Variants in EPHA4 observed in about 807,000 individuals in gnomAD.
EPHA4 encodes EPH receptor A4.
EPHA4 carries 19 observed loss-of-function variants against 108.3 expected under a neutral mutation model. The observed-to-expected ratio is 0.18, with a 90% CI of 0.12 to 0.26. EPHA4 has a LOEUF of 0.26. Among genes scored for constraint, EPHA4 ranks in the 10% least tolerant of loss-of-function variants. The pLI, the probability that EPHA4 is intolerant of heterozygous loss-of-function variation, is 1.00. For synonymous variants in EPHA4, 449 were observed against 455.5 expected, an observed-to-expected ratio of 0.99 and a Z score of 0.18; for missense variants, 917 against 1,254.0, an observed-to-expected ratio of 0.73 and a Z score of 4.06.
chr2:221,468,823 A>G (rs542369779), intron 5 of EPHA4, among the ~76,000 whole-genome samples: 12 of 152,356 alleles, frequency 7.9e-5, no homozygotes, highest in African/African-American at 2.9e-4. Flanking sequence ...GAGGTAAGAC[A>G]TTGATCATTC....
chr2:221,439,849 A>G (rs1690361802), intron 11 of EPHA4, among the ~76,000 whole-genome samples: 1 of 152,170 alleles, frequency 6.6e-6, no homozygotes, highest in Non-Finnish European at 1.5e-5. Context: ...GGTCATGCGG[A>G]GAATTTATGG....
At position 221,535,610 on chromosome 2, in the gene EPHA4, G is replaced by A. The variant is rs1016432608; in HGVS notation, c.823+28121C>T. On this transcript the variant is annotated intron_variant, in intron 3 of 17. Coordinates refer to ENST00000281821, the MANE Select transcript of EPHA4 (RefSeq NM_004438.5). The stretch of plus-strand genomic sequence containing the variant: ...CTGTTTTTTTTCCTCTTCAAACAAC[G>A]GATTTGTTATTTTCTCCTTTTGTTC... Among the ~76,000 whole-genome samples, 4 of 150,472 alleles carry A rather than the reference G, an allele frequency of 2.7e-5. 1 individual carries two copies. In the South Asian group the frequency reaches 6.3e-4, roughly 24 times the overall value.
chr2:221,565,346 G>T (rs945099795), intron 2 of EPHA4, among the ~76,000 whole-genome samples: 1 of 152,118 alleles, frequency 6.6e-6, no homozygotes, highest in African/African-American at 2.4e-5. Flanking sequence ...AAAATAATCC[G>T]AAAAGCAGCA....
chr2:221,472,882 C>T (rs1279048793), intron 5 of EPHA4, among the ~76,000 whole-genome samples: 2 of 152,080 alleles, frequency 1.3e-5, no homozygotes, highest in Admixed American at 1.3e-4. Flanking sequence ...CAGTACAGTT[C>T]GTTTAGATCA....
chr2:221,497,005 AC>A (rs552248899), intron 4 of EPHA4, among the ~76,000 whole-genome samples: 4 of 151,976 alleles, frequency 2.6e-5, no homozygotes, highest in South Asian at 2.1e-4. Flanking sequence ...CCTGAGTCCT[AC>A]CCCCCCACCA....
intron 3 of EPHA4, among the ~76,000 whole-genome samples, chr2:221,503,293 G>T (rs552958208): frequency 6.6e-6 from 1 of 152,116 alleles, no homozygotes; most frequent in Non-Finnish European, 1.5e-5. Flanking sequence ...CATCAAAAAC[G>T]AAAAACTCAC....
intron 4 of EPHA4, among the ~76,000 whole-genome samples, chr2:221,497,240 C>T (rs917620512): frequency 1.3e-5 from 2 of 152,012 alleles, no homozygotes; most frequent in African/African-American, 4.8e-5. Flanking sequence ...TTAAAACAGC[C>T]CCAGAGGTAG....
intron 3 of EPHA4, among the ~76,000 whole-genome samples, chr2:221,550,450 A>C (rs1031586562): frequency 2.8e-5 from 4 of 143,276 alleles, no homozygotes; most frequent in Non-Finnish European, 6.1e-5. Context: ...AGAGAGAGAG[A>C]GAGAATGTAG....
In EPHA4 at chr2:221,430,093, G is replaced by T; in HGVS notation, c.2555C>A (p.Ala852Glu). 6.2e-7 allele frequency: 1 copy of T among 1,613,538 alleles called. No homozygotes were observed. Among genetic ancestry groups the T allele is most frequent in the Non-Finnish European group, 8.5e-7 (1 of 1,179,962 alleles). Residue 852 changes from alanine to glutamate, a missense_variant, in exon 15 of 18, where the codon GCG becomes GAG. Coordinates refer to ENST00000281821, the MANE Select transcript of EPHA4 (RefSeq NM_004438.5). The part of the protein sequence containing the change: ...RLPPPMDCPI[A>E]LHQLMLDCWQ... ...GCAGTCTAGCATCAGCTGGTGGAGC[G>T]CAATGGGGCAGTCCATTGGAGGGGG... is the stretch of plus-strand genomic sequence containing the variant.
chr2:221,555,362 T>C (rs1469287974), intron 3 of EPHA4, among the ~76,000 whole-genome samples: 2 of 151,940 alleles, frequency 1.3e-5, no homozygotes, highest in Admixed American at 6.6e-5. Flanking sequence ...AAGGGGGAAA[T>C]GGGTGTGCTG....
rs182490518 is a variant in EPHA4, at chr2:221,454,094, T to A, written c.1715+1453A>T. The stretch of plus-strand genomic sequence containing the variant: ...ACTCAGGAGGGTGAGACAGGAGAAT[T>A]GCTTGAACCCAGGAGGCAGACGTTG... On this transcript the variant is annotated intron_variant, in intron 8 of 17. Coordinates refer to ENST00000281821, the MANE Select transcript of EPHA4 (RefSeq NM_004438.5). Among the ~76,000 whole-genome samples the A allele has an allele frequency of 1.1e-3, 162 of 152,150 alleles. 1 individual carries two copies. Among genetic ancestry groups the A allele is most frequent in the African/African-American group, 3.8e-3 (157 of 41,526 alleles).
In EPHA4 at chr2:221,525,898, ACT is replaced by A. The variant is rs199992777; in HGVS notation, c.824-24728_824-24727del. The stretch of plus-strand genomic sequence containing the variant: ...AGAAATAATGTATAATTCTTTTATA[ACT>A]CTCTATTAGATACTGTGTTTCCCAT... On this transcript the variant is annotated intron_variant, in intron 3 of 17. Coordinates refer to ENST00000281821, the MANE Select transcript of EPHA4 (RefSeq NM_004438.5). 7.2e-3 allele frequency among the ~76,000 whole-genome samples: 1,089 copies of A among 152,260 alleles called. 14 individuals are homozygous for A. Among genetic ancestry groups the A allele is most frequent in the African/African-American group, 0.025 (1,050 of 41,532 alleles).
At position 221,420,272 on chromosome 2, in the gene EPHA4, G is replaced by C. The variant is rs13385757; in HGVS notation, c.*1100C>G. ...GAGTCTGGGGCAAGGGCTCTGCAGA[G>C]CTGGTGCTGCGAGACAGTGCATTCC... On this transcript the variant is annotated 3_prime_UTR_variant, in exon 18 of 18. Transcript: ENST00000281821. 25,156 of 152,678 alleles carry C rather than the reference G, an allele frequency of 0.16. 2,323 individuals are homozygous for C. The highest frequency in any genetic ancestry group is 0.22 in the African/African-American group (9,171 of 41,528). The allele number at this position is 152,678 out of a possible 1,614,324, so 9.5% of individuals were successfully genotyped here.
At chr2:221,493,311 A>T (rs1478962902) in intron 4 of EPHA4, among the ~76,000 whole-genome samples, 1 of 152,158 alleles carries the variant, frequency 6.6e-6, no homozygotes, top group Non-Finnish European at 1.5e-5. Context: ...CGCTCTAGAC[A>T]TCCCTCCCCA....
intron 3 of EPHA4, among the ~76,000 whole-genome samples, chr2:221,525,561 A>G (rs1013258453): frequency 6.6e-6 from 1 of 152,326 alleles, no homozygotes; most frequent in South Asian, 2.1e-4. Context: ...AGACAAACAC[A>G]TTGAATGATG....
At position 221,457,994 on chromosome 2, in the gene EPHA4, T is replaced by A; in HGVS notation, c.1319-4A>T. On this transcript the variant is annotated splice_polypyrimidine_tract_variant and splice_region_variant and intron_variant, in intron 5 of 17. Coordinates refer to ENST00000281821, the MANE Select transcript of EPHA4 (RefSeq NM_004438.5). ...ACCAAAGCAATGGATGATGGTGCTGTTAGAAAAAAACAAAAGACAAAAGAT... is the reference window on the plus strand; with the variant it reads ...ACCAAAGCAATGGATGATGGTGCTGATAGAAAAAAACAAAAGACAAAAGAT... 2 of 1,604,302 alleles carry A rather than the reference T, an allele frequency of 1.2e-6. No individual in the cohort carries two copies. Among genetic ancestry groups the A allele is most frequent in the Non-Finnish European group, 8.5e-7 (1 of 1,177,034 alleles).
intron 1 of EPHA4, among the ~76,000 whole-genome samples, chr2:221,569,139 G>T (rs970260754): frequency 3.3e-5 from 5 of 152,162 alleles, no homozygotes; most frequent in Non-Finnish European, 7.3e-5. Context: ...ATTCATCTCT[G>T]TCTGGTATCT....
chr2:221,511,012 G>A (rs905269243), intron 3 of EPHA4, among the ~76,000 whole-genome samples: 1 of 152,170 alleles, frequency 6.6e-6, no homozygotes, highest in Non-Finnish European at 1.5e-5. Context: ...TGATAATCCT[G>A]GGGTTCTCTC....
At chr2:221,544,826 C>A (rs1375419058) in intron 3 of EPHA4, among the ~76,000 whole-genome samples, 1 of 152,026 alleles carries the variant, frequency 6.6e-6, no homozygotes, top group Non-Finnish European at 1.5e-5. Context: ...AGTACCCTTA[C>A]AAGAAAAGGA....
Sources: allele counts gnomAD v4.1 joint callset (sites outside exome capture counted in the v4.1 genomes callset), GRCh38; gene constraint gnomAD v4.1.1; transcripts MANE v1.5; gene names NCBI Gene and HGNC (gene_info 2026-07-23, HGNC 2026-07-21).